Variants in SLC38A8 observed in about 807,000 individuals in gnomAD.
SLC38A8 encodes the protein solute carrier family 38 member 8, also known as amino acid transporter SLC38A8.
SLC38A8 carries 65 observed loss-of-function variants against 46.0 expected under a neutral mutation model. The observed-to-expected ratio is 1.41, with a 90% CI of 1.16 to 1.74. SLC38A8 has a LOEUF of 1.74. SLC38A8 is among the 40% of genes most tolerant of loss of function. SLC38A8 has a pLI of 0.00. For missense variants in SLC38A8, 998 were observed against 567.9 expected, an observed-to-expected ratio of 1.76 and a Z score of -7.70; for synonymous variants, 447 against 243.7, an observed-to-expected ratio of 1.83 and a Z score of -7.77.
chr16:84,011,037 A>G (rs764840080), intron 10 of SLC38A8, among the ~76,000 whole-genome samples: 1 of 152,132 alleles, frequency 6.6e-6, no homozygotes, highest in Non-Finnish European at 1.5e-5. Context: ...GCCACCAGAG[A>G]TATTTGTGGC....
chr16:84,037,867 G>A (rs1415988335), intron 2 of SLC38A8, among the ~76,000 whole-genome samples: 1 of 136,974 alleles, frequency 7.3e-6, no homozygotes, highest in African/African-American at 2.8e-5. Flanking sequence ...GGAGTGCCAT[G>A]GCACGACCTC....
intron 5 of SLC38A8, among the ~76,000 whole-genome samples, chr16:84,029,884 G>A (rs1404797926): frequency 1.3e-5 from 2 of 152,140 alleles, no homozygotes; most frequent in Admixed American, 6.5e-5. Context: ...GCAGGGGCGG[G>A]GGCACCCAGA....
intron 3 of SLC38A8, among the ~76,000 whole-genome samples, chr16:84,035,691 G>A (rs925572368): frequency 1.8e-4 from 27 of 152,006 alleles, no homozygotes; most frequent in African/African-American, 6.5e-4. Context: ...TCTTAAGGAT[G>A]CTAGAGTGCC....
intron 9 of SLC38A8, 115 bp from the exon 10 acceptor site, chr16:84,013,167 T>C: frequency 8.6e-7 from 1 of 1,166,870 alleles, no homozygotes; most frequent in Non-Finnish European, 1.2e-6. Context: ...CGCCCATGGG[T>C]GCCCCTGGCT....
At chr16:84,037,270 C>T (rs1313679239) in intron 2 of SLC38A8, among the ~76,000 whole-genome samples, 1 of 152,234 alleles carries the variant, frequency 6.6e-6, no homozygotes, top group Non-Finnish European at 1.5e-5. Flanking sequence ...TGGCTTGGAA[C>T]CCGAGGTGGA....
Position 84,031,953 on chromosome 16 carries a change from C to T in SLC38A8, c.546G>A (p.Leu182=). The part of the protein sequence containing the change: ...FQKYTSILGT[L]AACYLALVIT... ...TGACCAGGGCCAGGTAACAGGCAGC[C>T]AGAGTGCCTAGGATGCTAACACAGT... The change falls in exon 5 of 11, where the codon CTG becomes CTA. Residue 182 remains leucine, a synonymous_variant. Transcript: ENST00000299709. The T allele has an allele frequency of 6.2e-7, 1 of 1,614,186 alleles. No individual in the cohort carries two copies. Among genetic ancestry groups the T allele is most frequent in the South Asian group, 1.1e-5 (1 of 91,082 alleles).
intron 4 of SLC38A8, 100 bp downstream of exon 4, chr16:84,033,228 A>C (rs1405354307): frequency 6.6e-7 from 1 of 1,510,726 alleles, no homozygotes; most frequent in Non-Finnish European, 9.0e-7. Context: ...CCAAATGTGA[A>C]GGCCAATTCC....
intron 9 of SLC38A8, among the ~76,000 whole-genome samples, chr16:84,015,123 G>A (rs994219207): frequency 6.6e-6 from 1 of 152,122 alleles, no homozygotes; most frequent in Admixed American, 6.5e-5. Flanking sequence ...TCCAGTCGCG[G>A]CTGAATCACA....
chr16:84,032,009 A>T, intron 4 of SLC38A8, 41 bp from the exon 5 acceptor site: 2 of 1,553,122 alleles, frequency 1.3e-6, no homozygotes, highest in Non-Finnish European at 1.8e-6. Flanking sequence ...AGTGGGTGAC[A>T]TGTGCGGTTG....
chr16:84,013,432 T>G (rs1314399072), intron 9 of SLC38A8, among the ~76,000 whole-genome samples: 3 of 122,868 alleles, frequency 2.4e-5, no homozygotes, highest in African/African-American at 6.6e-5. Context: ...GTGTTTTTTT[T>G]TTTTTTTTTT....
chr16:84,029,913 C>T (rs182391882), intron 5 of SLC38A8, among the ~76,000 whole-genome samples: 23 of 152,266 alleles, frequency 1.5e-4, no homozygotes, highest in Admixed American at 1.5e-3. Context: ...CCAGTGATCC[C>T]AAATAGCACA....
chr16:84,010,243 G>C (rs1048874839), intron 10 of SLC38A8, among the ~76,000 whole-genome samples: 10 of 151,788 alleles, frequency 6.6e-5, no homozygotes, highest in Non-Finnish European at 1.3e-4. Context: ...GCCAATTTTT[G>C]TATTTTTAGT....
chr16:84,015,080 G>C lies in SLC38A8; in HGVS notation c.1162+1439C>G, dbSNP rs548375585. 2.5e-3 allele frequency among the ~76,000 whole-genome samples: 381 copies of C among 152,248 alleles called. 2 individuals are homozygous for C. Among genetic ancestry groups the C allele is most frequent in the African/African-American group, 8.4e-3 (348 of 41,562 alleles). ...CAGGGTGTTGGGGATACCTGGCTAA[G>C]GGTCCCCAAGCTCGATGTCTGTTTG... On this transcript the variant is annotated intron_variant, in intron 9 of 10. Coordinates refer to ENST00000299709, the MANE Select transcript of SLC38A8 (RefSeq NM_001080442.3).
At chr16:84,035,631 G>A (rs28615412) in intron 3 of SLC38A8, among the ~76,000 whole-genome samples, 12,395 of 152,264 alleles carry the variant, frequency 0.081, 760 homozygotes, top group Middle Eastern at 0.18. Context: ...CCAAGTCATA[G>A]TTAGATTCTA....
intron 10 of SLC38A8, 47 bp downstream of exon 10, chr16:84,012,954 T>C (rs1465474050): frequency 6.2e-7 from 1 of 1,601,020 alleles, no homozygotes; most frequent in African/African-American, 1.3e-5. Context: ...ATTCTTACTC[T>C]GATCCGGGGC....
chr16:84,029,394 G>T (rs1334193842), intron 6 of SLC38A8, 100 bp downstream of exon 6: 10 of 1,282,938 alleles, frequency 7.8e-6, no homozygotes, highest in African/African-American at 1.5e-5. Context: ...GAAGTCCTCA[G>T]ACGCCTCCCT....
chr16:84,030,091 C>A (rs2085220401), intron 5 of SLC38A8, among the ~76,000 whole-genome samples: 1 of 152,130 alleles, frequency 6.6e-6, no homozygotes, highest in Non-Finnish European at 1.5e-5. Context: ...TTAGGGTGAG[C>A]CTGAATCCAA....
At position 84,033,341 on chromosome 16, in the gene SLC38A8, G is replaced by A. The variant is rs1160923628; in HGVS notation, c.517C>T (p.Gln173Ter). ...CCCAGCCCTTACCTTGTGTATTTCT[G>A]GAAGGCGATCTCCCGCGGGGCAGAC... ...PLSAPREIAF[Q>*]KYTSILGTLA... The change falls in exon 4 of 11, where the codon CAG becomes TAG. Residue 173 changes from glutamine to a stop codon, truncating the protein, a stop_gained. Transcript: ENST00000299709. LOFTEE classifies it high-confidence loss of function. 1.2e-6 allele frequency: 2 copies of A among 1,614,056 alleles called. No individual in the cohort carries two copies. The highest frequency in any genetic ancestry group is 1.7e-6 in the Non-Finnish European group (2 of 1,180,002).
Position 84,013,633 on chromosome 16 carries a change from G to C in SLC38A8, c.1163-581C>G, listed in dbSNP as rs891440838. Among the ~76,000 whole-genome samples, 7 of 151,478 alleles carry C rather than the reference G, an allele frequency of 4.6e-5. 1 individual carries two copies. The South Asian group carries it at 1.0e-3, about 23-fold the overall frequency. The stretch of plus-strand genomic sequence containing the variant: ...TTTAGTAGAGACGGGATTTCACCAT[G>C]TTGGTCAGGATGGTCTGGACCTCTT... On this transcript the variant is annotated intron_variant, in intron 9 of 10. Coordinates refer to ENST00000299709, the MANE Select transcript of SLC38A8 (RefSeq NM_001080442.3).
Sources: allele counts gnomAD v4.1 joint callset (sites outside exome capture counted in the v4.1 genomes callset), GRCh38; gene constraint gnomAD v4.1.1; transcripts MANE v1.5; gene names NCBI Gene and HGNC (gene_info 2026-07-23, HGNC 2026-07-21).